YAP1: variants seen among roughly 807,000 people sequenced by gnomAD.
The protein encoded by YAP1 is Yes1 associated transcriptional regulator, also known as transcriptional coactivator YAP1.
Under a neutral mutation model 56.9 loss-of-function variants are expected in YAP1, and 5 were observed. That is an observed-to-expected ratio of 0.09 (90% CI 0.05 to 0.18). The LOEUF (loss-of-function observed/expected upper bound fraction) is 0.18. Among genes scored for constraint, YAP1 ranks in the 10% least tolerant of loss-of-function variants. The pLI, the probability that YAP1 is intolerant of heterozygous loss-of-function variation, is 1.00. For missense variants in YAP1, 539 were observed against 651.8 expected (o/e 0.83, Z 1.88); for synonymous variants, 265 against 248.1 (o/e 1.07, Z -0.64).
chr11:102,197,473 A>C (rs1948630251), intron 4 of YAP1, among the ~76,000 whole-genome samples: 2 of 152,030 alleles, frequency 1.3e-5, no homozygotes. Flanking sequence ...AATTGTCTGA[A>C]GTTTGGAAAT....
intron 1 of YAP1, chr11:102,112,375 ATTTGT>A: frequency 2.1e-6 from 2 of 959,354 alleles, no homozygotes; most frequent in Non-Finnish European, 2.5e-6. Flanking sequence ...GTCCCAGTGG[ATTTGT>A]TTTGTGTAGG....
chr11:102,215,397 T>C (rs1949611049), intron 6 of YAP1, among the ~76,000 whole-genome samples: 1 of 152,226 alleles, frequency 6.6e-6, no homozygotes, highest in African/African-American at 2.4e-5. Flanking sequence ...TTTTATATAA[T>C]GCAGTATTTA....
chr11:102,169,928 T>C (rs1318087576), intron 3 of YAP1, among the ~76,000 whole-genome samples: 1 of 152,264 alleles, frequency 6.6e-6, no homozygotes, highest in Non-Finnish European at 1.5e-5. Flanking sequence ...TGGAATATGA[T>C]GACTTAAATT....
chr11:102,226,650 A>G (rs1336997593), intron 7 of YAP1, among the ~76,000 whole-genome samples: 1 of 152,234 alleles, frequency 6.6e-6, no homozygotes, highest in East Asian at 1.9e-4. Flanking sequence ...ATGGATATTT[A>G]CCATACTTTT....
intron 2 of YAP1, among the ~76,000 whole-genome samples, chr11:102,125,947 A>G (rs1944013970): frequency 6.6e-6 from 1 of 151,920 alleles, no homozygotes; most frequent in Non-Finnish European, 1.5e-5. Context: ...CACTATCTCT[A>G]GCTAAGTCTG....
In YAP1 at chr11:102,231,958, A is replaced by G. The variant is rs1328519561; in HGVS notation, c.*2018A>G. The G allele has an allele frequency of 1.3e-5, 2 of 152,628 alleles. No homozygotes were observed. Among genetic ancestry groups the G allele is most frequent in the Non-Finnish European group, 2.9e-5 (2 of 68,028 alleles). 9.5% of individuals were successfully genotyped at this position (152,628 alleles called of 1,614,324 possible). A position where few individuals can be genotyped will look rare whatever the true frequency, so the allele number is the denominator to read the frequency against. On this transcript the variant is annotated 3_prime_UTR_variant, in exon 9 of 9. Transcript: ENST00000282441. The stretch of plus-strand genomic sequence containing the variant: ...CAAAAAAATGCAATCACTGTGTTGT[A>G]TATAATAGTTCATAGGTTGATCACT...
chr11:102,194,466 G>C lies in YAP1; in HGVS notation c.802+8335G>C, dbSNP rs140385781. On this transcript the variant is annotated intron_variant, in intron 4 of 8. Coordinates refer to ENST00000282441, the MANE Select transcript of YAP1 (RefSeq NM_001130145.3). ...ATTACTAATAGCATCCTCCTAACTA[G>C]GGAGAGAAACTATTTTAGGATTTAT... Among the ~76,000 whole-genome samples, 19 of 152,258 alleles carry C rather than the reference G, an allele frequency of 1.2e-4. No individual in the cohort carries two copies. In the East Asian group the frequency reaches 3.7e-3, roughly 29 times the overall value.
At chr11:102,224,619 G>T (rs1413077558) in intron 7 of YAP1, among the ~76,000 whole-genome samples, 1 of 152,126 alleles carries the variant, frequency 6.6e-6, no homozygotes, top group Admixed American at 6.6e-5. Flanking sequence ...AATTCCAAGA[G>T]AAAATATCTT....
intron 2 of YAP1, among the ~76,000 whole-genome samples, chr11:102,122,799 C>T (rs1235960846): frequency 6.9e-6 from 1 of 145,346 alleles, no homozygotes; most frequent in African/African-American, 2.6e-5. Flanking sequence ...GAGGCAGAGG[C>T]AGGATAATCG....
intron 6 of YAP1, among the ~76,000 whole-genome samples, chr11:102,216,045 A>G (rs1949646028): frequency 6.6e-6 from 1 of 152,226 alleles, no homozygotes; most frequent in Non-Finnish European, 1.5e-5. Context: ...AGGTTTCAGG[A>G]GGCAGAAGTG....
intron 2 of YAP1, among the ~76,000 whole-genome samples, chr11:102,155,741 C>T (rs1223146174): frequency 6.6e-6 from 1 of 152,090 alleles, no homozygotes; most frequent in Non-Finnish European, 1.5e-5. Flanking sequence ...TTTTGGGTGG[C>T]CGAAGCCCTG....
chr11:102,222,254 C>G (rs577444898), intron 6 of YAP1, among the ~76,000 whole-genome samples: 2 of 152,182 alleles, frequency 1.3e-5, no homozygotes, highest in Admixed American at 1.3e-4. Flanking sequence ...AGGCCAGTAT[C>G]CTTTGTGATA....
intron 3 of YAP1, among the ~76,000 whole-genome samples, chr11:102,181,531 A>G (rs1947624831): frequency 6.6e-6 from 1 of 152,146 alleles, no homozygotes. Context: ...CCTACTCCTT[A>G]TTTCTATCTG....
At chr11:102,157,020 G>GTA (rs1480189961) in intron 2 of YAP1, among the ~76,000 whole-genome samples, 1 of 152,152 alleles carries the variant, frequency 6.6e-6, no homozygotes, top group Non-Finnish European at 1.5e-5. Flanking sequence ...TGTACAGTTT[G>GTA]TAGACTTATA....
chr11:102,227,674 G>C, intron 8 of YAP1, 93 bp downstream of exon 8: 1 of 816,978 alleles, frequency 1.2e-6, no homozygotes, highest in Admixed American at 2.2e-5. Context: ...AGATGATTCA[G>C]AAGAAAACCA....
At chr11:102,149,556 C>A (rs1945506752) in intron 2 of YAP1, among the ~76,000 whole-genome samples, 1 of 152,134 alleles carries the variant, frequency 6.6e-6, no homozygotes, top group Non-Finnish European at 1.5e-5. Flanking sequence ...GCTTGTGATA[C>A]AGGGAGTATA....
chr11:102,148,892 G>GT, intron 2 of YAP1, among the ~76,000 whole-genome samples: 1 of 152,124 alleles, frequency 6.6e-6, no homozygotes, highest in East Asian at 1.9e-4. Flanking sequence ...TTTTCAGACT[G>GT]TTTAACTATA....
chr11:102,200,003 T>C (rs1948768174), intron 4 of YAP1, among the ~76,000 whole-genome samples: 1 of 152,228 alleles, frequency 6.6e-6, no homozygotes, highest in South Asian at 2.1e-4. Context: ...TCAAAAAACA[T>C]GTCTTGCCCT....
In YAP1 at chr11:102,110,734, G is replaced by A; in HGVS notation, c.-115G>A. ...CCCCGGCCCTGAGAGCGAGGACAGC[G>A]CCGCCCGGCCCGCAGCCGTCGCCGC... On this transcript the variant is annotated 5_prime_UTR_variant, in exon 1 of 9. Coordinates refer to ENST00000282441, the MANE Select transcript of YAP1 (RefSeq NM_001130145.3). 9.9e-7 allele frequency: 1 copy of A among 1,011,844 alleles called. No individual in the cohort carries two copies. Among genetic ancestry groups the A allele is most frequent in the Non-Finnish European group, 1.2e-6 (1 of 801,100 alleles). The allele number at this position is 1,011,844 out of a possible 1,614,324, so 62.7% of individuals were successfully genotyped here.
Sources: allele counts gnomAD v4.1 joint callset (sites outside exome capture counted in the v4.1 genomes callset), GRCh38; gene constraint gnomAD v4.1.1; transcripts MANE v1.5; gene names NCBI Gene and HGNC (gene_info 2026-07-23, HGNC 2026-07-21).